PHACTR1: variants seen among roughly 807,000 people sequenced by gnomAD.
PHACTR1 encodes phosphatase and actin regulator 1, also known as RPEL repeat containing 1.
In PHACTR1, 16 loss-of-function variants were observed where a neutral mutation model predicts 69.2. The ratio of observed to expected loss-of-function variants is 0.23; its 90% CI spans 0.16 to 0.35. The LOEUF (loss-of-function observed/expected upper bound fraction) is 0.35. Ranked by LOEUF, PHACTR1 falls within the 10% of genes least tolerant of loss-of-function variation. The pLI is 1.00. For synonymous variants in PHACTR1, 312 were observed against 284.5 expected, an observed-to-expected ratio of 1.10 and a Z score of -0.97; for missense variants, 510 against 734.7, an observed-to-expected ratio of 0.69 and a Z score of 3.54.
At position 12,977,042 on chromosome 6, in the gene PHACTR1, T is replaced by G. The variant is rs182650961; in HGVS notation, c.251-76323T>G. On this transcript the variant is annotated intron_variant, in intron 4 of 14. Transcript: ENST00000332995. ...GTGCAATGGTGCAATCTCGGCTCAC[T>G]GCAACCTCTGCCTCCTGGGTTCAAG... Among the ~76,000 whole-genome samples, 1,339 of 152,304 alleles carry G rather than the reference T, an allele frequency of 8.8e-3. 19 individuals carry two copies. The highest frequency in any genetic ancestry group is 0.03 in the African/African-American group (1,255 of 41,560).
chr6:13,155,948 G>A (rs1372070320), intron 5 of PHACTR1, among the ~76,000 whole-genome samples: 1 of 151,916 alleles, frequency 6.6e-6, no homozygotes, highest in Non-Finnish European at 1.5e-5. Context: ...GAGTAAAGTG[G>A]AATTATGTCA....
intron 4 of PHACTR1, among the ~76,000 whole-genome samples, chr6:12,806,886 ATTTG>A (rs1161873153): frequency 1.3e-5 from 2 of 152,202 alleles, no homozygotes; most frequent in Non-Finnish European, 2.9e-5. Context: ...AGAATTGTGA[ATTTG>A]TTTGCATGAT....
rs1338330948 is a variant in PHACTR1, at chr6:13,197,038, G to A, written c.665-8777G>A. On this transcript the variant is annotated intron_variant, in intron 7 of 14. Coordinates refer to ENST00000332995, the MANE Select transcript of PHACTR1 (RefSeq NM_030948.6). ...CAGAAGTGTGGTGAAAGCCCTATTA[G>A]CAACACTGCAGCTATATAAGGTACT... Among the ~76,000 whole-genome samples, 9 of 152,290 alleles carry A rather than the reference G, an allele frequency of 5.9e-5. No homozygotes were observed. The South Asian group carries it at 1.4e-3, about 25-fold the overall frequency.
At chr6:12,816,529 T>C (rs1029700246) in intron 4 of PHACTR1, among the ~76,000 whole-genome samples, 2 of 152,206 alleles carry the variant, frequency 1.3e-5, no homozygotes, top group Non-Finnish European at 2.9e-5. Flanking sequence ...TTGCACTGCA[T>C]TGTGGTTGGG....
intron 4 of PHACTR1, among the ~76,000 whole-genome samples, chr6:13,042,126 T>A (rs1434672751): frequency 6.6e-6 from 1 of 152,194 alleles, no homozygotes; most frequent in Admixed American, 6.5e-5. Flanking sequence ...AAGGCTAAAT[T>A]GTAATTCGAT....
At chr6:13,211,385 C>G (rs1766821956) in intron 8 of PHACTR1, among the ~76,000 whole-genome samples, 1 of 151,986 alleles carries the variant, frequency 6.6e-6, no homozygotes, top group Non-Finnish European at 1.5e-5. Flanking sequence ...GCTCCGTGAT[C>G]TAGTTGGCAT....
intron 5 of PHACTR1, among the ~76,000 whole-genome samples, chr6:13,054,917 C>T (rs1303843815): frequency 6.6e-6 from 1 of 152,186 alleles, no homozygotes; most frequent in Non-Finnish European, 1.5e-5. Flanking sequence ...TGCCTTCTCG[C>T]CTGCTCAGAA....
chr6:12,965,990 C>T (rs909772733), intron 4 of PHACTR1, among the ~76,000 whole-genome samples: 3 of 152,018 alleles, frequency 2.0e-5, no homozygotes, highest in Admixed American at 1.3e-4. Flanking sequence ...CCGGACATGG[C>T]GGTGGCAAGG....
At chr6:13,064,640 G>T (rs1808336026) in intron 5 of PHACTR1, among the ~76,000 whole-genome samples, 1 of 112,012 alleles carries the variant, frequency 8.9e-6, no homozygotes, top group African/African-American at 3.5e-5. Context: ...GCCAGACTAT[G>T]GAGGATTCAC....
At chr6:12,992,241 A>C (rs1005075708) in intron 4 of PHACTR1, among the ~76,000 whole-genome samples, 9 of 152,232 alleles carry the variant, frequency 5.9e-5, no homozygotes, top group Non-Finnish European at 1.3e-4. Context: ...AAGTCCCTTC[A>C]TGGGGCTTCA....
intron 4 of PHACTR1, among the ~76,000 whole-genome samples, chr6:12,799,847 G>GA (rs1274285468): frequency 6.6e-6 from 1 of 152,242 alleles, no homozygotes; most frequent in South Asian, 2.1e-4. Flanking sequence ...AATAGACATA[G>GA]AAAAAATGTG....
At chr6:13,263,359 C>T (rs747994371) in intron 10 of PHACTR1, among the ~76,000 whole-genome samples, 17 of 125,826 alleles carry the variant, frequency 1.4e-4, no homozygotes, top group Non-Finnish European at 2.3e-4. Context: ...AAAAAAAAGG[C>T]AAGATCCATT....
chr6:13,073,501 G>A (rs554215615), intron 5 of PHACTR1, among the ~76,000 whole-genome samples: 11 of 151,756 alleles, frequency 7.2e-5, no homozygotes, highest in South Asian at 2.1e-4. Context: ...ATGCCACCAC[G>A]CCTGGCCAAT....
At chr6:13,022,544 C>A (rs1035814625) in intron 4 of PHACTR1, among the ~76,000 whole-genome samples, 5 of 152,108 alleles carry the variant, frequency 3.3e-5, no homozygotes, top group African/African-American at 1.2e-4. Flanking sequence ...GGGAAACAAC[C>A]ATGCACAATT....
intron 5 of PHACTR1, among the ~76,000 whole-genome samples, chr6:13,085,633 A>G (rs889054007): frequency 6.6e-6 from 1 of 152,124 alleles, no homozygotes; most frequent in African/African-American, 2.4e-5. Flanking sequence ...GAACAAATCT[A>G]TCAACTTATA....
At position 12,948,777 on chromosome 6, in the gene PHACTR1, A is replaced by G. The variant is rs192629411; in HGVS notation, c.251-104588A>G. Among the ~76,000 whole-genome samples the G allele has an allele frequency of 2.8e-3, 427 of 152,304 alleles. 2 individuals are homozygous for G. The highest frequency in any genetic ancestry group is 3.8e-3 in the Non-Finnish European group (260 of 68,030). ...CATCATCTACATTTCATTCACATGC[A>G]CTTACTCAAAGTTGCTCTCACATTC... is the stretch of plus-strand genomic sequence containing the variant. On this transcript the variant is annotated intron_variant, in intron 4 of 14. Transcript: ENST00000332995.
At chr6:12,890,576 T>C (rs1340621188) in intron 4 of PHACTR1, among the ~76,000 whole-genome samples, 1 of 152,188 alleles carries the variant, frequency 6.6e-6, no homozygotes, top group African/African-American at 2.4e-5. Flanking sequence ...ACCTTGTTCC[T>C]GAACACAAAC....
chr6:13,278,396 C>T (rs1389254448), intron 12 of PHACTR1, 67 bp downstream of exon 12: 17 of 1,464,134 alleles, frequency 1.2e-5, no homozygotes, highest in Non-Finnish European at 1.6e-5. Context: ...CCTCTGCCCT[C>T]TGCTGGCCTC....
chr6:13,270,100 C>T (rs1056683173), intron 10 of PHACTR1, among the ~76,000 whole-genome samples: 5 of 152,228 alleles, frequency 3.3e-5, no homozygotes, highest in Admixed American at 1.3e-4. Flanking sequence ...TATTATGACC[C>T]ACTAGCTGTA....
Sources: gnomAD v4.1 joint callset for allele counts (sites outside exome capture counted in the v4.1 genomes callset) on GRCh38, gnomAD v4.1.1 for gene constraint, MANE v1.5 for transcripts, NCBI Gene and HGNC (gene_info 2026-07-23, HGNC 2026-07-21) for gene names.